Variants in FFAR1 observed in about 807,000 individuals in gnomAD.
The protein encoded by FFAR1 is free fatty acid receptor 1.
For synonymous variants in FFAR1, 216 were observed against 201.5 expected (o/e 1.07, Z -0.61); for missense variants, 424 against 396.2 (o/e 1.07, Z -0.60).
chr19:35,349,863 G>A (rs537964836), upstream of FFAR1, among the ~76,000 whole-genome samples: 7 of 152,338 alleles, frequency 4.6e-5, no homozygotes, highest in South Asian at 1.4e-3. Context: ...GAATCACAGA[G>A]CAGAGCTGGC....
At chr19:35,353,572 T>C (rs1345947952) in exon 1 of FFAR1, 1 of 152,256 alleles carries the variant, frequency 6.6e-6, no homozygotes, top group African/African-American at 2.4e-5. Context: ...GAAAAGTACA[T>C]GTTACTGAAA....
chr19:35,348,259 T>G (rs550463662), upstream of FFAR1, among the ~76,000 whole-genome samples: 2 of 152,278 alleles, frequency 1.3e-5, no homozygotes, highest in South Asian at 4.1e-4. Flanking sequence ...CCTGGTTTGA[T>G]TCTTGTGAGC....
rs1364192297 is a variant in FFAR1, at chr19:35,352,433, AG to A, written c.887del (p.Gly296AlafsTer122). 1.3e-6 allele frequency: 2 copies of A among 1,554,338 alleles called. No homozygotes were observed. The highest frequency in any genetic ancestry group is 3.9e-5 in the Admixed American group (2 of 51,086). ...AGACAGTGTGTGCGGCAAGAACGCA[AG>A]GGGGCAAGTCCCAGAAGTAACGCCA... On this transcript the variant is annotated frameshift_variant, in exon 1 of 1. Coordinates refer to ENST00000246553, the Ensembl canonical transcript of FFAR1. LOFTEE classifies it high-confidence loss of function.
At chr19:35,351,915 T>C in exon 1 of FFAR1, 4 of 1,614,140 alleles carry the variant, frequency 2.5e-6, no homozygotes, top group Non-Finnish European at 3.4e-6. Flanking sequence ...GAGGCCGTGC[T>C]ATTCCTGGGG....
chr19:35,353,184 G>A (rs1002424595), exon 1 of FFAR1: 4 of 152,272 alleles, frequency 2.6e-5, no homozygotes, highest in African/African-American at 7.2e-5. Context: ...AAACAATTGA[G>A]TAAGACATAT....
chr19:35,351,596 C>A (rs747746804), exon 1 of FFAR1: 2 of 1,541,424 alleles, frequency 1.3e-6, no homozygotes, highest in Non-Finnish European at 1.7e-6. Context: ...ATGTGGCCGC[C>A]TTTGCGCTGG....
At chr19:35,351,504 G>C, upstream of FFAR1, 1 of 1,524,650 alleles carries the variant, frequency 6.6e-7, no homozygotes, top group Non-Finnish European at 8.8e-7. Context: ...TCTGAGGACA[G>C]GGAGCCAGGT....
chr19:35,348,263 T>C (rs2156930), upstream of FFAR1, among the ~76,000 whole-genome samples: 151,589 of 152,322 alleles, frequency 1, 75,430 homozygotes, highest in Middle Eastern at 1. Context: ...GTTTGATTCT[T>C]GTGAGCACCA....
At chr19:35,351,640 C>A in exon 1 of FFAR1, 1 of 1,546,396 alleles carries the variant, frequency 6.5e-7, no homozygotes, top group Non-Finnish European at 8.7e-7. Context: ...ATCCGAGGCG[C>A]GACGGCCCAC....
At chr19:35,351,753 G>C in exon 1 of FFAR1, 1 of 1,564,082 alleles carries the variant, frequency 6.4e-7, no homozygotes, top group South Asian at 1.2e-5. Context: ...GGAGGCGCTA[G>C]CCTCCGGGGC....
At chr19:35,350,181 C>A (rs760674514), upstream of FFAR1, among the ~76,000 whole-genome samples, 1 of 152,184 alleles carries the variant, frequency 6.6e-6, no homozygotes, top group Non-Finnish European at 1.5e-5. Flanking sequence ...AGGCTGCCCC[C>A]GCCCCTTGCC....
chr19:35,348,576 G>A (rs60066162), upstream of FFAR1, among the ~76,000 whole-genome samples: 2,896 of 152,336 alleles, frequency 0.019, 73 homozygotes, highest in South Asian at 0.093. Context: ...TCCAGCCTAT[G>A]CAACAGAGTG....
exon 1 of FFAR1, chr19:35,351,590 G>A (rs1234858655): frequency 6.5e-7 from 1 of 1,541,170 alleles, no homozygotes; most frequent in Non-Finnish European, 8.7e-7. Context: ...GCCTCTATGT[G>A]GCCGCCTTTG....
upstream of FFAR1, among the ~76,000 whole-genome samples, chr19:35,351,068 G>A (rs912376977): frequency 4.6e-5 from 7 of 152,160 alleles, no homozygotes; most frequent in African/African-American, 1.7e-4. Context: ...AATGTGGGTG[G>A]GGGGTGGGGG....
exon 1 of FFAR1, chr19:35,352,745 C>T (rs766685267): frequency 2.3e-5 from 11 of 482,898 alleles, no homozygotes; most frequent in Middle Eastern, 5.5e-4. Flanking sequence ...TGCCTGTCTT[C>T]CGTGGGCCGC....
chr19:35,350,838 G>A (rs956082927), upstream of FFAR1, among the ~76,000 whole-genome samples: 8 of 152,180 alleles, frequency 5.3e-5, no homozygotes, highest in African/African-American at 1.9e-4. Context: ...AGCACCAGGA[G>A]GTGGGTCCCT....
chr19:35,350,983 C>T (rs2066941877), upstream of FFAR1, among the ~76,000 whole-genome samples: 1 of 152,150 alleles, frequency 6.6e-6, no homozygotes, highest in African/African-American at 2.4e-5. Flanking sequence ...CCCTGGGGGA[C>T]CCCCTTTTCC....
upstream of FFAR1, among the ~76,000 whole-genome samples, chr19:35,350,399 G>A (rs781372081): frequency 1.3e-5 from 2 of 152,318 alleles, no homozygotes; most frequent in Non-Finnish European, 2.9e-5. Flanking sequence ...GCAGTCACAG[G>A]GCACCCTGTG....
chr19:35,350,788 A>G (rs2066940977), upstream of FFAR1, among the ~76,000 whole-genome samples: 2 of 151,996 alleles, frequency 1.3e-5, 1 homozygote, highest in South Asian at 4.2e-4. Flanking sequence ...ATCCTCCATC[A>G]GCCCGCTGAG....
Sources: gnomAD v4.1 joint callset for allele counts (sites outside exome capture counted in the v4.1 genomes callset) on GRCh38, gnomAD v4.1.1 for gene constraint, MANE v1.5 for transcripts, NCBI Gene and HGNC (gene_info 2026-07-23, HGNC 2026-07-21) for gene names.